PODXL2: variants seen among roughly 807,000 people sequenced by gnomAD.
The protein encoded by PODXL2 is podocalyxin-like protein 2.
Under a neutral mutation model 53.4 loss-of-function variants are expected in PODXL2, and 17 were observed. The ratio of observed to expected loss-of-function variants is 0.32; its 90% confidence interval spans 0.22 to 0.48. PODXL2 has a LOEUF of 0.48. Ranked by LOEUF, PODXL2 falls within the 20% of genes least tolerant of loss-of-function variation. PODXL2 has a pLI of 0.99. For synonymous variants in PODXL2, 311 were observed against 306.7 expected (o/e 1.01, Z -0.15); for missense variants, 673 against 760.0 (o/e 0.89, Z 1.35).
intron 1 of PODXL2, 93 bp from the exon 2 acceptor site, chr3:127,639,152 A>C (rs2074597213): frequency 7.7e-6 from 10 of 1,297,984 alleles, no homozygotes; most frequent in Non-Finnish European, 9.5e-6. Context: ...CCCCTTCCCC[A>C]GGACCTTTGT....
At chr3:127,642,671 A>G (rs2074628455) in intron 2 of PODXL2, among the ~76,000 whole-genome samples, 2 of 152,162 alleles carry the variant, frequency 1.3e-5, no homozygotes, top group Non-Finnish European at 1.5e-5. Flanking sequence ...GATTACTAGT[A>G]TATTTTAACT....
chr3:127,661,212 G>T, intron 3 of PODXL2, 53 bp downstream of exon 3: 1 of 1,401,878 alleles, frequency 7.1e-7, no homozygotes, highest in Non-Finnish European at 9.9e-7. Flanking sequence ...ACAGAGCCTG[G>T]CCATCCCCAG....
intron 4 of PODXL2, among the ~76,000 whole-genome samples, chr3:127,662,875 C>T (rs143989438): frequency 6.6e-4 from 101 of 152,310 alleles, no homozygotes; most frequent in African/African-American, 2.3e-3. Context: ...GAAAAGGGAA[C>T]TTCTGTTCTG....
intron 2 of PODXL2, among the ~76,000 whole-genome samples, chr3:127,652,635 C>T (rs1307170926): frequency 6.6e-6 from 1 of 152,250 alleles, no homozygotes; most frequent in Non-Finnish European, 1.5e-5. Flanking sequence ...TCCATGGAGC[C>T]AGCCCTTAGA....
chr3:127,633,743 T>C (rs2074561743), intron 1 of PODXL2, among the ~76,000 whole-genome samples: 1 of 151,976 alleles, frequency 6.6e-6, no homozygotes, highest in African/African-American at 2.4e-5. Context: ...TCTTACAATT[T>C]GGTGAGAAAA....
chr3:127,648,056 C>T (rs577485916), intron 2 of PODXL2, among the ~76,000 whole-genome samples: 34 of 152,178 alleles, frequency 2.2e-4, no homozygotes, highest in Admixed American at 7.9e-4. Context: ...TCACAGCAAC[C>T]TGATGAAATC....
rs1576434256 is a variant in PODXL2 at position 127,662,323 on chromosome 3, G to A, written c.1206+12G>A. On this transcript the variant is annotated intron_variant, in intron 4 of 7. Transcript: ENST00000342480. ...AGAACATAGACTGTGTGAGTGCCCAGCCAGGCTCCGAACCGCAGGGAAAGG... is the reference window on the plus strand; with the variant it reads ...AGAACATAGACTGTGTGAGTGCCCAACCAGGCTCCGAACCGCAGGGAAAGG... 2 of 1,609,596 alleles carry A rather than the reference G, an allele frequency of 1.2e-6. No homozygotes were observed. The highest frequency in any genetic ancestry group is 1.7e-6 in the Non-Finnish European group (2 of 1,177,230).
chr3:127,646,878 C>T (rs1356091769), intron 2 of PODXL2, among the ~76,000 whole-genome samples: 1 of 152,144 alleles, frequency 6.6e-6, no homozygotes, highest in Non-Finnish European at 1.5e-5. Flanking sequence ...ATGCCCTGGG[C>T]CTGGCTTCTT....
chr3:127,669,371 G>C (rs907104811), intron 6 of PODXL2, among the ~76,000 whole-genome samples, 169 bp downstream of exon 6: 2 of 150,438 alleles, frequency 1.3e-5, no homozygotes, highest in African/African-American at 4.9e-5. Flanking sequence ...GGTTTTGTGG[G>C]AAAGACGGTG....
At chr3:127,640,011 C>T (rs1056223274) in intron 2 of PODXL2, among the ~76,000 whole-genome samples, 1 of 152,190 alleles carries the variant, frequency 6.6e-6, no homozygotes, top group African/African-American at 2.4e-5. Context: ...TGAGTCTATC[C>T]GACCAGCAAT....
At chr3:127,661,652 G>A (rs1188970647) in intron 3 of PODXL2, among the ~76,000 whole-genome samples, 1 of 152,048 alleles carries the variant, frequency 6.6e-6, no homozygotes, top group Non-Finnish European at 1.5e-5. Flanking sequence ...GGCCAGGCTG[G>A]TCGGGAACTC....
rs753412423 is a variant in PODXL2 at position 127,672,628 on chromosome 3, G to A, written c.*148G>A. On this transcript the variant is annotated 3_prime_UTR_variant, in exon 8 of 8. Coordinates refer to ENST00000342480, the MANE Select transcript of PODXL2 (RefSeq NM_015720.4). ...GCGCGGGCTCCTTCCCGCTTCCCCC[G>A]ACTTCACACGGCGGCTTCGGACCAA... 107 of 522,940 alleles carry A rather than the reference G, an allele frequency of 2.0e-4. 1 individual carries two copies. The highest frequency in any genetic ancestry group is 2.7e-4 in the Non-Finnish European group (85 of 310,400). 32.4% of individuals were successfully genotyped at this position (522,940 alleles called of 1,614,324 possible).
chr3:127,669,395 C>A (rs1281364982), intron 6 of PODXL2, among the ~76,000 whole-genome samples, 193 bp downstream of exon 6: 1 of 140,928 alleles, frequency 7.1e-6, no homozygotes, highest in South Asian at 2.1e-4. Context: ...GTGCATGCTA[C>A]CAACCAAAGG....
intron 4 of PODXL2, among the ~76,000 whole-genome samples, chr3:127,665,480 CAT>C (rs2074791027): frequency 6.6e-6 from 1 of 152,072 alleles, no homozygotes; most frequent in East Asian, 1.9e-4. Context: ...TCACAGGTAA[CAT>C]AGAAGAAACT....
chr3:127,640,038 C>A (rs1397083615), intron 2 of PODXL2, among the ~76,000 whole-genome samples: 1 of 152,220 alleles, frequency 6.6e-6, no homozygotes, highest in African/African-American at 2.4e-5. Context: ...ATTCTAACCG[C>A]CCTTCCCTCA....
At chr3:127,632,706 C>T (rs1435688255) in intron 1 of PODXL2, among the ~76,000 whole-genome samples, 1 of 152,190 alleles carries the variant, frequency 6.6e-6, no homozygotes, top group Non-Finnish European at 1.5e-5. Context: ...GGCTCATATC[C>T]CCTAAAGAAC....
Position 127,671,549 on chromosome 3 carries a change from T to A in PODXL2, c.1541T>A (p.Ile514Asn). The A allele has an allele frequency of 6.2e-7, 1 of 1,614,104 alleles. No individual in the cohort carries two copies. Among genetic ancestry groups the A allele is most frequent in the Non-Finnish European group, 8.5e-7 (1 of 1,179,994 alleles). The change falls in exon 7 of 8, where the codon ATC (isoleucine) becomes AAC (asparagine). Residue 514 changes from isoleucine to asparagine, a missense_variant. Around this residue, in one of 3 missense-constraint regions of PODXL2, gnomAD observed 588 missense variants for 668.3 expected, o/e 0.88. Coordinates refer to ENST00000342480, the MANE Select transcript of PODXL2 (RefSeq NM_015720.4). The stretch of plus-strand genomic sequence containing the variant: ...GTGGTCATTGGGGCCATCTGCATCA[T>A]CATCATTGCGCTTGGCCTGCTCTAC... ...VLVVIGAICI[I>N]IIALGLLYNC...
chr3:127,639,487 CTGAA>C lies in PODXL2; in HGVS notation c.317_320del (p.Asn106ThrfsTer17). ...GTACTTCTGGGAAGAGGAGGAAGAGCTGAATGACTCAAGTCTGGACCTGGGACCC... is the reference window on the plus strand; with the variant it reads ...GTACTTCTGGGAAGAGGAGGAAGAGCTGACTCAAGTCTGGACCTGGGACCC... On this transcript the variant is annotated frameshift_variant, in exon 2 of 8. Transcript: ENST00000342480. LOFTEE classifies it high-confidence loss of function. The C allele has an allele frequency of 6.2e-7, 1 of 1,614,138 alleles. No homozygotes were observed.
chr3:127,670,456 G>T (rs1454662405), intron 6 of PODXL2, among the ~76,000 whole-genome samples: 2 of 152,176 alleles, frequency 1.3e-5, no homozygotes, highest in Non-Finnish European at 2.9e-5. Context: ...TCCTCCCCCT[G>T]CTTTTCGCTG....
Sources: allele counts gnomAD v4.1 joint callset (sites outside exome capture counted in the v4.1 genomes callset), GRCh38; gene constraint gnomAD v4.1.1; regional missense constraint gnomAD v4.1.1; transcripts MANE v1.5; gene names NCBI Gene and HGNC (gene_info 2026-07-23, HGNC 2026-07-21).